The following DPP6 variants were observed in gnomAD, a reference collection of about 807,000 sequenced individuals.
DPP6 encodes the protein A-type potassium channel modulatory protein DPP6.
Under a neutral mutation model 122.6 loss-of-function variants are expected in DPP6, and 69 were observed. That is an observed-to-expected ratio of 0.56 (90% CI 0.46 to 0.69). The LOEUF is 0.69. Ranked by LOEUF, DPP6 falls within the 30% of genes least tolerant of loss-of-function variation. DPP6 has a pLI of 0.00. For synonymous variants in DPP6, 418 were observed against 433.1 expected (o/e 0.97, Z 0.43); for missense variants, 928 against 1,116.9 (o/e 0.83, Z 2.41).
intron 1 of DPP6, among the ~76,000 whole-genome samples, chr7:154,346,367 C>T (rs533325401): frequency 6.6e-6 from 1 of 152,078 alleles, no homozygotes; most frequent in East Asian, 1.9e-4. Context: ...CAATGAATGG[C>T]GCAATCTCGG....
chr7:154,104,394 G>A (rs1805988096), intron 1 of DPP6, among the ~76,000 whole-genome samples: 1 of 152,268 alleles, frequency 6.6e-6, no homozygotes, highest in Admixed American at 6.5e-5. Context: ...TATGGCTGGG[G>A]AGGACTAATG....
At chr7:153,945,605 A>G (rs975513639) in intron 1 of DPP6, among the ~76,000 whole-genome samples, 1 of 152,200 alleles carries the variant, frequency 6.6e-6, no homozygotes, top group Non-Finnish European at 1.5e-5. Context: ...GGAGGCACAG[A>G]AGGGTGCTCT....
chr7:154,672,636 T>C (rs2131121199), intron 7 of DPP6, among the ~76,000 whole-genome samples: 1 of 152,344 alleles, frequency 6.6e-6, no homozygotes, highest in East Asian at 1.9e-4. Context: ...TACTTGAGTT[T>C]AGTACCAAAG....
At chr7:154,819,545 C>T (rs1799633166) in intron 16 of DPP6, among the ~76,000 whole-genome samples, 1 of 152,190 alleles carries the variant, frequency 6.6e-6, no homozygotes, top group Non-Finnish European at 1.5e-5. Context: ...GGTCAGTTTT[C>T]CTGTGAGATT....
At chr7:154,389,285 T>C (rs1814402043) in intron 1 of DPP6, among the ~76,000 whole-genome samples, 2 of 152,154 alleles carry the variant, frequency 1.3e-5, no homozygotes, top group Non-Finnish European at 1.5e-5. Context: ...CACACAATGA[T>C]AAGATAAGGA....
At chr7:154,390,300 G>T (rs1320471533) in intron 1 of DPP6, among the ~76,000 whole-genome samples, 2 of 152,214 alleles carry the variant, frequency 1.3e-5, no homozygotes, top group South Asian at 2.1e-4. Context: ...AGTGAGGTAG[G>T]TTGACCATGG....
intron 1 of DPP6, among the ~76,000 whole-genome samples, chr7:153,889,939 G>A (rs942321305): frequency 6.6e-6 from 1 of 152,192 alleles, no homozygotes; most frequent in East Asian, 1.9e-4. Context: ...GGAAATCCAC[G>A]TGGCTTCAGT....
intron 1 of DPP6, among the ~76,000 whole-genome samples, chr7:154,347,090 A>G (rs1022447594): frequency 1.3e-5 from 2 of 152,180 alleles, no homozygotes; most frequent in Non-Finnish European, 2.9e-5. Context: ...ATGTTATTCC[A>G]TGTCAGATTG....
chr7:154,758,369 A>T (rs111724908), intron 8 of DPP6, among the ~76,000 whole-genome samples: 9,236 of 138,956 alleles, frequency 0.066, 972 homozygotes, highest in African/African-American at 0.24. Flanking sequence ...TGAAGGAAAT[A>T]CAGATTTTTT....
intron 1 of DPP6, among the ~76,000 whole-genome samples, chr7:154,340,103 C>T (rs1441809962): frequency 2.0e-5 from 3 of 152,052 alleles, no homozygotes; most frequent in South Asian, 4.2e-4. Context: ...TGTGGTTGAC[C>T]ATTAGAAACA....
Position 154,887,683 on chromosome 7 carries a change from G to A in DPP6, c.2253G>A (p.Ala751=), listed in dbSNP as rs748957885. Residue 751 remains alanine (A), a synonymous_variant, in exon 23 of 26, where the codon GCG becomes GCA. Coordinates refer to ENST00000377770, the MANE Select transcript of DPP6 (RefSeq NM_130797.4). ...CCCTTTGCTTCCGTGCAGCCTCTGC[G>A]TTTTCCGAGAGGTACTTGGGCCTCC... ...PITDFKLYAS[A]FSERYLGLHG... is the part of the protein sequence containing the mutation. 86 of 1,613,850 alleles carry A rather than the reference G, an allele frequency of 5.3e-5. No homozygotes were observed. Among genetic ancestry groups the A allele is most frequent in the East Asian group, 4.0e-4 (18 of 44,892 alleles).
chr7:153,932,568 T>C (rs1438523486), intron 1 of DPP6, among the ~76,000 whole-genome samples: 5 of 152,174 alleles, frequency 3.3e-5, no homozygotes, highest in East Asian at 3.9e-4. Flanking sequence ...TCTTCTCTCA[T>C]GTGTGGCAAG....
At chr7:153,926,047 G>A (rs1302999828) in intron 1 of DPP6, among the ~76,000 whole-genome samples, 2 of 152,122 alleles carry the variant, frequency 1.3e-5, no homozygotes, top group Admixed American at 6.6e-5. Context: ...GTTCACCACA[G>A]CATCCTTCCA....
intron 16 of DPP6, among the ~76,000 whole-genome samples, chr7:154,828,259 G>C (rs532038563): frequency 6.6e-6 from 1 of 152,202 alleles, no homozygotes; most frequent in East Asian, 1.9e-4. Context: ...ATGCTTCAGG[G>C]GGCAAAGTCC....
At position 154,503,764 on chromosome 7, in the gene DPP6, A is replaced by G. The variant is rs558635343; in HGVS notation, c.457+28727A>G. ...AGGCTTACAGATGTTTTTGAGACTT[A>G]AAGAATTGACACGTCAGTCTCTAAA... is the stretch of plus-strand genomic sequence containing the variant. On this transcript the variant is annotated intron_variant, in intron 3 of 25. Coordinates refer to ENST00000377770, the MANE Select transcript of DPP6 (RefSeq NM_130797.4). Among the ~76,000 whole-genome samples, 75 of 152,304 alleles carry G rather than the reference A, an allele frequency of 4.9e-4. 1 individual carries two copies. The highest frequency in any genetic ancestry group is 8.8e-4 in the Non-Finnish European group (60 of 68,026).
At chr7:154,310,137 A>T (rs1806737879) in intron 1 of DPP6, among the ~76,000 whole-genome samples, 1 of 152,216 alleles carries the variant, frequency 6.6e-6, no homozygotes, top group South Asian at 2.1e-4. Context: ...GCAGGTCCAG[A>T]ACCAGAGCTC....
intron 1 of DPP6, among the ~76,000 whole-genome samples, chr7:153,951,750 C>G (rs1032709515): frequency 9.2e-5 from 14 of 152,112 alleles, no homozygotes; most frequent in African/African-American, 3.4e-4. Flanking sequence ...ACATGATAAT[C>G]AAGAAAAACT....
At chr7:154,646,027 C>CAAAAAAAAAAAAAAAAAAA (rs71184020) in intron 6 of DPP6, among the ~76,000 whole-genome samples, 3 of 57,938 alleles carry the variant, frequency 5.2e-5, no homozygotes, top group Admixed American at 3.0e-4. Flanking sequence ...GACTCCGTCT[C>CAAAAAAAAAAAAAAAAAAA]AAAAAAAAAA....
chr7:154,761,595 GA>G (rs1795560411), intron 8 of DPP6, among the ~76,000 whole-genome samples: 1 of 152,216 alleles, frequency 6.6e-6, no homozygotes, highest in Non-Finnish European at 1.5e-5. Context: ...GAGGCCTCAG[GA>G]AGCTTCCAGT....
Sources: allele counts gnomAD v4.1 joint callset (sites outside exome capture counted in the v4.1 genomes callset), GRCh38; gene constraint gnomAD v4.1.1; transcripts MANE v1.5; gene names NCBI Gene and HGNC (gene_info 2026-07-23, HGNC 2026-07-21).